PLCB1: variants seen among roughly 807,000 people sequenced by gnomAD.
PLCB1 encodes the protein 1-phosphatidylinositol 4,5-bisphosphate phosphodiesterase beta-1.
PLCB1 carries 46 observed loss-of-function variants against 161.8 expected under a neutral mutation model. The observed-to-expected ratio is 0.28, with a 90% confidence interval of 0.22 to 0.36. The LOEUF is 0.36. PLCB1 is among the 10% of genes least tolerant of loss of function. The pLI is 1.00. For synonymous variants in PLCB1, 517 were observed against 503.7 expected (o/e 1.03, Z -0.35); for missense variants, 1,016 against 1,472.5 (o/e 0.69, Z 5.07).
At chr20:8,803,503 G>T (rs1327489127) in intron 31 of PLCB1, among the ~76,000 whole-genome samples, 4 of 144,886 alleles carry the variant, frequency 2.8e-5, no homozygotes, top group African/African-American at 1.0e-4. Flanking sequence ...TCAGAACAAA[G>T]TCACAACATG....
chr20:8,570,292 G>A (rs539871872), intron 3 of PLCB1, among the ~76,000 whole-genome samples: 3 of 152,308 alleles, frequency 2.0e-5, no homozygotes, highest in African/African-American at 7.2e-5. Context: ...CTCTGCAACA[G>A]TGGTGGAGTC....
In PLCB1 at chr20:8,470,361, C is replaced by A. The variant is rs934382437; in HGVS notation, c.246+98911C>A. 7.2e-5 allele frequency among the ~76,000 whole-genome samples: 11 copies of A among 152,176 alleles called. 1 individual carries two copies. In the South Asian group the frequency reaches 1.9e-3, roughly 26 times the overall value. ...TGACAGTTTTCCTAAAGAGTTGAAT[C>A]ATTTTACAATTCCACTAGCAGTGTA... is the stretch of plus-strand genomic sequence containing the variant. On this transcript the variant is annotated intron_variant, in intron 3 of 31. Transcript: ENST00000338037.
At chr20:8,559,623 AAG>A (rs773507420) in intron 3 of PLCB1, among the ~76,000 whole-genome samples, 1 of 152,002 alleles carries the variant, frequency 6.6e-6, no homozygotes, top group East Asian at 1.9e-4. Context: ...GGAATGTAAA[AAG>A]AGATTTCATT....
intron 2 of PLCB1, among the ~76,000 whole-genome samples, chr20:8,296,835 C>T (rs987972): frequency 0.3 from 45,645 of 151,930 alleles, 8,310 homozygotes; most frequent in African/African-American, 0.5. Context: ...GCTTTTCCAT[C>T]GTTGTAGCTT....
At chr20:8,579,165 A>G (rs573992029) in intron 3 of PLCB1, among the ~76,000 whole-genome samples, 1 of 152,352 alleles carries the variant, frequency 6.6e-6, no homozygotes, top group South Asian at 2.1e-4. Flanking sequence ...CTACTCAGCA[A>G]TGTGACACAT....
In PLCB1 at chr20:8,589,164, T is replaced by G. The variant is rs555761794; in HGVS notation, c.247-39130T>G. 3.3e-5 allele frequency among the ~76,000 whole-genome samples: 5 copies of G among 151,988 alleles called. No homozygotes were observed. The South Asian group carries it at 6.3e-4, about 19-fold the overall frequency. On this transcript the variant is annotated intron_variant, in intron 3 of 31. Transcript: ENST00000338037. ...TTAGTTGTGCACTTCTCTCATTTTA[T>G]CAGGGTAGACAGAACGAAGACATGA...
At chr20:8,648,941 TAA>T (rs11478396) in intron 6 of PLCB1, among the ~76,000 whole-genome samples, 54 of 130,120 alleles carry the variant, frequency 4.2e-4, no homozygotes, top group Middle Eastern at 4.3e-3. Context: ...ACCCTGTCTC[TAA>T]AAAAAAAAAA....
At chr20:8,772,968 A>G (rs577482146) in intron 26 of PLCB1, among the ~76,000 whole-genome samples, 2 of 152,298 alleles carry the variant, frequency 1.3e-5, no homozygotes, top group South Asian at 2.1e-4. Flanking sequence ...AGATAATTCA[A>G]TGTTAACTAT....
intron 3 of PLCB1, among the ~76,000 whole-genome samples, chr20:8,437,910 A>G (rs1980380393): frequency 6.6e-6 from 1 of 152,206 alleles, no homozygotes; most frequent in Admixed American, 6.5e-5. Flanking sequence ...AGGGAAATAA[A>G]TTGCCAATAA....
At chr20:8,786,744 G>T (rs1264902241) in intron 27 of PLCB1, among the ~76,000 whole-genome samples, 2 of 148,986 alleles carry the variant, frequency 1.3e-5, no homozygotes, top group Non-Finnish European at 3.0e-5. Flanking sequence ...AGTGTGCCCA[G>T]AGTTGCTGGA....
At position 8,681,060 on chromosome 20, in the gene PLCB1, GTATA is replaced by G. The variant is rs1343816464; in HGVS notation, c.863-3868_863-3865del. 3.2e-5 allele frequency among the ~76,000 whole-genome samples: 3 copies of G among 95,114 alleles called. 1 individual carries two copies. The highest frequency in any genetic ancestry group is 1.1e-4 in the African/African-American group (3 of 26,412). 62.4% of individuals were successfully genotyped at this position (95,114 alleles called of 152,430 possible). On this transcript the variant is annotated intron_variant, in intron 9 of 31. Coordinates refer to ENST00000338037, the MANE Select transcript of PLCB1 (RefSeq NM_015192.4). ...TATATTTGTGTATATATACTTATATGTATATATGTGTGTATATGTGTGTGTGTAT... is the reference window on the plus strand; with the variant it reads ...TATATTTGTGTATATATACTTATATGTATGTGTGTATATGTGTGTGTGTAT...
intron 2 of PLCB1, among the ~76,000 whole-genome samples, chr20:8,197,509 G>GT (rs931681917): frequency 2.6e-5 from 4 of 151,710 alleles, no homozygotes; most frequent in Middle Eastern, 3.4e-3. Context: ...TGATGGGGTT[G>GT]TTTTTTTTCT....
At chr20:8,281,357 C>T (rs920325708) in intron 2 of PLCB1, among the ~76,000 whole-genome samples, 1 of 151,896 alleles carries the variant, frequency 6.6e-6, no homozygotes, top group African/African-American at 2.4e-5. Flanking sequence ...TTTCTGTTTT[C>T]TCTTGTGCTA....
At chr20:8,467,980 A>G (rs6055834) in intron 3 of PLCB1, among the ~76,000 whole-genome samples, 1,758 of 152,314 alleles carry the variant, frequency 0.012, 33 homozygotes, top group African/African-American at 0.039. Context: ...AATATGAAAT[A>G]ACAAACCACT....
At chr20:8,303,129 C>T (rs1021490684) in intron 2 of PLCB1, among the ~76,000 whole-genome samples, 5 of 152,128 alleles carry the variant, frequency 3.3e-5, no homozygotes, top group Admixed American at 6.5e-5. Flanking sequence ...CTCTGTATGT[C>T]CCCGAAATAG....
chr20:8,395,596 A>G (rs904484314), intron 3 of PLCB1, among the ~76,000 whole-genome samples: 2 of 152,142 alleles, frequency 1.3e-5, no homozygotes, highest in Middle Eastern at 3.4e-3. Flanking sequence ...ATTGAGTGGG[A>G]TATTTCACAT....
chr20:8,802,654 TTTTGGAAGTCCAGC>T (rs1245099308), intron 31 of PLCB1, among the ~76,000 whole-genome samples: 5 of 152,196 alleles, frequency 3.3e-5, no homozygotes, highest in African/African-American at 1.2e-4. Flanking sequence ...ACAGCCCTCC[TTTTGGAAGTCCAGC>T]AAAATTTACT....
chr20:8,827,782 T>C (rs1985779212), intron 31 of PLCB1, among the ~76,000 whole-genome samples: 1 of 152,198 alleles, frequency 6.6e-6, no homozygotes, highest in Non-Finnish European at 1.5e-5. Flanking sequence ...TGAAAAATAA[T>C]CAAACGAAGA....
In PLCB1 at chr20:8,197,103, A is replaced by G. The variant is rs545788980; in HGVS notation, c.177+46732A>G. Among the ~76,000 whole-genome samples, 253 of 152,212 alleles carry G rather than the reference A, an allele frequency of 1.7e-3. 2 individuals are homozygous for G. Among genetic ancestry groups the G allele is most frequent in the African/African-American group, 4.0e-3 (165 of 41,524 alleles). On this transcript the variant is annotated intron_variant, in intron 2 of 31. Transcript: ENST00000338037. ...TTTGGGTTGGTTCCAAGTCTTTGCT[A>G]TTGTGAGTAGTGCCGCAATAAACAT...
Sources: allele counts gnomAD v4.1 joint callset (sites outside exome capture counted in the v4.1 genomes callset), GRCh38; gene constraint gnomAD v4.1.1; transcripts MANE v1.5; gene names NCBI Gene and HGNC (gene_info 2026-07-23, HGNC 2026-07-21).